Variants in DOCK7 observed in about 807,000 individuals in gnomAD.
DOCK7 encodes dedicator of cytokinesis 7, also known as dedicator of cytokinesis protein 7.
A neutral mutation model predicts 271.0 loss-of-function variants in DOCK7; 138 were observed. That is an observed-to-expected ratio of 0.51 (90% CI 0.44 to 0.59). The LOEUF (loss-of-function observed/expected upper bound fraction) is 0.59. Among genes scored for constraint, DOCK7 ranks in the 20% least tolerant of loss-of-function variants. DOCK7 has a pLI of 0.00. For synonymous variants in DOCK7, 823 were observed against 876.1 expected, an observed-to-expected ratio of 0.94 and a Z score of 1.07; for missense variants, 2,066 against 2,592.4, an observed-to-expected ratio of 0.80 and a Z score of 4.41.
rs778730521 is a variant in DOCK7 at position 62,636,536 on chromosome 1, C to A, written c.885+1G>T. On this transcript the variant is annotated splice_donor_variant, in intron 8 of 49. Coordinates refer to ENST00000635253, the MANE Select transcript of DOCK7 (RefSeq NM_001367561.1). LOFTEE classifies it high-confidence loss of function. ...ACTATGGTCAAATTATATAATCTTA[C>A]CTTTTTCTTTTCCTTGACATCATAT... 6.3e-7 allele frequency: 1 copy of A among 1,594,300 alleles called. No homozygotes were observed.
At chr1:62,519,752 G>T (rs1571379749) in intron 31 of DOCK7, among the ~76,000 whole-genome samples, 1 of 152,082 alleles carries the variant, frequency 6.6e-6, no homozygotes, top group East Asian at 1.9e-4. Context: ...CAACTAAGTT[G>T]AATAAATAAG....
At position 62,508,061 on chromosome 1, in the gene DOCK7, AATACAAAAT is replaced by A. The variant is rs773057749; in HGVS notation, c.4380-12_4380-4del. 96 of 1,593,728 alleles carry A rather than the reference AATACAAAAT, an allele frequency of 6.0e-5. No individual in the cohort carries two copies. Among genetic ancestry groups the A allele is most frequent in the Middle Eastern group, 1.7e-4 (1 of 6,022 alleles). On this transcript the variant is annotated splice_region_variant and splice_polypyrimidine_tract_variant and intron_variant, in intron 34 of 49. Transcript: ENST00000635253. ...CGTGTTCAATCTCTGCTCTTGATCT[AATACAAAAT>A]ATTGTAAGAAATTATATTTATCTTT...
intron 31 of DOCK7, among the ~76,000 whole-genome samples, chr1:62,526,927 T>C (rs1346252832): frequency 1.3e-5 from 2 of 152,214 alleles, no homozygotes; most frequent in African/African-American, 4.8e-5. Context: ...TAGGAACGAC[T>C]GCTAATAGGT....
intron 14 of DOCK7, among the ~76,000 whole-genome samples, chr1:62,592,679 G>A (rs554338615): frequency 2.0e-5 from 3 of 152,102 alleles, no homozygotes; most frequent in Admixed American, 6.6e-5. Flanking sequence ...TCGCAAAGAC[G>A]GCAACAGAGA....
intron 23 of DOCK7, among the ~76,000 whole-genome samples, chr1:62,544,582 C>G (rs1459845710): frequency 6.6e-6 from 1 of 151,978 alleles, no homozygotes; most frequent in Admixed American, 6.6e-5. Flanking sequence ...AAACCAAAAG[C>G]AAATAGAAAA....
chr1:62,554,471 C>CA lies in DOCK7; in HGVS notation c.2596+1353dup, dbSNP rs61023149. The stretch of plus-strand genomic sequence containing the variant: ...TGGGCAACAGAGTGAGACTCCATCT[C>CA]AAAAAAAAAAAAAAAAAAAAAAAAA... On this transcript the variant is annotated intron_variant, in intron 21 of 49. Transcript: ENST00000635253. Among the ~76,000 whole-genome samples the CA allele has an allele frequency of 2.1e-3, 134 of 63,900 alleles. 9 individuals carry two copies. Among genetic ancestry groups the CA allele is most frequent in the African/African-American group, 8.3e-3 (131 of 15,744 alleles). The allele number at this position is 63,900 out of a possible 152,430, so 41.9% of individuals were successfully genotyped here.
At position 62,470,861 on chromosome 1, in the gene DOCK7, C is replaced by CA. The variant is rs752473007; in HGVS notation, c.6212+3120dup. Reference sequence around the variant, plus strand: ...CTGTTCCCCAAAAACCTATGGAAATCAAAAAAAAAATTATGATGTCTGTAA... The same window carrying CA: ...CTGTTCCCCAAAAACCTATGGAAATCAAAAAAAAAAATTATGATGTCTGTAA... On this transcript the variant is annotated intron_variant, in intron 48 of 49. Coordinates refer to ENST00000635253, the MANE Select transcript of DOCK7 (RefSeq NM_001367561.1). 1.6e-3 allele frequency among the ~76,000 whole-genome samples: 240 copies of CA among 149,726 alleles called. 4 individuals carry two copies. The highest frequency in any genetic ancestry group is 4.0e-3 in the South Asian group (19 of 4,740).
At chr1:62,636,975 G>C (rs2149643354) in intron 7 of DOCK7, among the ~76,000 whole-genome samples, 1 of 152,114 alleles carries the variant, frequency 6.6e-6, no homozygotes, top group Admixed American at 6.5e-5. Context: ...TTCTTTTTCA[G>C]ATTATAAATA....
intron 36 of DOCK7, 92 bp from the exon 37 acceptor site, chr1:62,504,874 T>C: frequency 2.1e-6 from 3 of 1,406,788 alleles, no homozygotes; most frequent in Non-Finnish European, 2.9e-6. Flanking sequence ...CTTGTTAGTA[T>C]AGCCCAGAAA....
At chr1:62,674,336 T>C (rs557793704) in intron 1 of DOCK7, among the ~76,000 whole-genome samples, 2 of 152,104 alleles carry the variant, frequency 1.3e-5, no homozygotes, top group Non-Finnish European at 2.9e-5. Context: ...TTTTCATGGA[T>C]TGGAAGACTC....
At chr1:62,489,193 T>C (rs900831759) in intron 41 of DOCK7, 128 bp from the exon 42 acceptor site, 3 of 851,746 alleles carry the variant, frequency 3.5e-6, no homozygotes, top group Non-Finnish European at 3.3e-6. Context: ...CTCACACCTG[T>C]AATCCCAGCA....
At chr1:62,595,563 C>G (rs201878552) in intron 14 of DOCK7, among the ~76,000 whole-genome samples, 2 of 152,114 alleles carry the variant, frequency 1.3e-5, no homozygotes, top group Non-Finnish European at 2.9e-5. Flanking sequence ...AACTATTATA[C>G]CCAAAACCCT....
intron 1 of DOCK7, among the ~76,000 whole-genome samples, chr1:62,673,388 C>T (rs1660216022): frequency 6.6e-6 from 1 of 152,146 alleles, no homozygotes; most frequent in Admixed American, 6.5e-5. Context: ...CTGTGATCAA[C>T]AGCATTTCCA....
chr1:62,511,749 G>T (rs1355096817), intron 33 of DOCK7, among the ~76,000 whole-genome samples: 5 of 150,736 alleles, frequency 3.3e-5, no homozygotes, highest in Non-Finnish European at 7.4e-5. Flanking sequence ...ATGTCTTTAG[G>T]AAATTTATGG....
chr1:62,582,347 G>A lies in DOCK7; in HGVS notation c.1871+837C>T, dbSNP rs558625438. 9.9e-5 allele frequency among the ~76,000 whole-genome samples: 15 copies of A among 151,186 alleles called. No homozygotes were observed. The East Asian group carries it at 1.9e-3, about 20-fold the overall frequency. On this transcript the variant is annotated intron_variant, in intron 16 of 49. Coordinates refer to ENST00000635253, the MANE Select transcript of DOCK7 (RefSeq NM_001367561.1). ...GGGCGGATCACGAGGTCAGGAGATC[G>A]AGACCATCCCGGCTAAAACGGTGAA...
chr1:62,506,815 C>T (rs1409386970), intron 35 of DOCK7, among the ~76,000 whole-genome samples: 3 of 149,170 alleles, frequency 2.0e-5, no homozygotes, highest in Admixed American at 6.7e-5. Context: ...GGCGTGGTGG[C>T]GCATGCCTGT....
intron 2 of DOCK7, among the ~76,000 whole-genome samples, chr1:62,660,972 G>A (rs1046237061): frequency 6.6e-6 from 1 of 151,884 alleles, no homozygotes; most frequent in Non-Finnish European, 1.5e-5. Context: ...GATGGCATGC[G>A]CATGTAGTCC....
chr1:62,666,069 C>T (rs1659281573), intron 1 of DOCK7, among the ~76,000 whole-genome samples: 1 of 152,032 alleles, frequency 6.6e-6, no homozygotes, highest in Non-Finnish European at 1.5e-5. Flanking sequence ...GAGGCTGATG[C>T]AGGAGAATGG....
chr1:62,576,520 A>T (rs1323430568), intron 18 of DOCK7, among the ~76,000 whole-genome samples: 2 of 152,248 alleles, frequency 1.3e-5, no homozygotes, highest in Non-Finnish European at 2.9e-5. Context: ...ATTGTTTTTT[A>T]AAAATAAAAA....
Sources: allele counts gnomAD v4.1 joint callset (sites outside exome capture counted in the v4.1 genomes callset), GRCh38; gene constraint gnomAD v4.1.1; transcripts MANE v1.5; gene names NCBI Gene and HGNC (gene_info 2026-07-23, HGNC 2026-07-21).